The following SEC24D variants were observed in gnomAD, a reference collection of about 807,000 sequenced individuals.
SEC24D encodes protein transport protein Sec24D.
SEC24D carries 69 observed loss-of-function variants against 116.9 expected under a neutral mutation model. The observed-to-expected ratio is 0.59, with a 90% CI of 0.49 to 0.72. The LOEUF is 0.72. Among genes scored for constraint, SEC24D ranks in the 30% least tolerant of loss-of-function variants. SEC24D has a pLI of 0.00. For synonymous variants in SEC24D, 405 were observed against 442.8 expected, an observed-to-expected ratio of 0.91 and a Z score of 1.07; for missense variants, 1,131 against 1,264.1, an observed-to-expected ratio of 0.89 and a Z score of 1.60.
At chr4:118,806,934 C>CAAATGGGTGGAATCCCAGAAGCAAAATG (rs1729706216) in intron 6 of SEC24D, among the ~76,000 whole-genome samples, 1 of 152,098 alleles carries the variant, frequency 6.6e-6, no homozygotes, top group Non-Finnish European at 1.5e-5. Context: ...CTGCAATAAG[C>CAAATGGGTGGAATCCCAGAAGCAAAATG]TATGATCGTG....
At chr4:118,819,968 A>T (rs1299604840) in intron 3 of SEC24D, among the ~76,000 whole-genome samples, 2 of 152,208 alleles carry the variant, frequency 1.3e-5, no homozygotes, top group Admixed American at 6.5e-5. Context: ...ATACCCCAGG[A>T]GTTAGGTTTC....
chr4:118,771,389 A>T (rs1727894986), intron 8 of SEC24D, among the ~76,000 whole-genome samples: 2 of 152,122 alleles, frequency 1.3e-5, no homozygotes, highest in African/African-American at 4.8e-5. Context: ...TAAAAACCTC[A>T]CCTGGCTATT....
rs1730190069 is a variant in SEC24D, at chr4:118,817,263, C to T, written c.397+1G>A. ...ATAAACACTAATAATAAAACTATTA[C>T]CATAGCTGTTGATTTGCATAGCACT... is the stretch of plus-strand genomic sequence containing the variant. On this transcript the variant is annotated splice_donor_variant, in intron 4 of 22. Coordinates refer to ENST00000280551, the MANE Select transcript of SEC24D (RefSeq NM_014822.4). LOFTEE classifies it high-confidence loss of function. The T allele has an allele frequency of 6.3e-7, 1 of 1,599,316 alleles. No homozygotes were observed. The highest frequency in any genetic ancestry group is 8.5e-7 in the Non-Finnish European group (1 of 1,175,068).
chr4:118,800,129 T>G (rs1729368634), intron 7 of SEC24D, among the ~76,000 whole-genome samples: 1 of 152,008 alleles, frequency 6.6e-6, no homozygotes, highest in Admixed American at 6.6e-5. Context: ...GCGCTGAGAC[T>G]GGGGGTCCAC....
At chr4:118,736,545 A>G (rs953944571) in intron 19 of SEC24D, 1 of 325,388 alleles carries the variant, frequency 3.1e-6, no homozygotes, top group Non-Finnish European at 5.9e-6. Context: ...CTCCATCTTC[A>G]TAGATATTAT....
chr4:118,815,181 A>G, intron 5 of SEC24D, 26 bp from the exon 6 acceptor site: 8 of 1,613,104 alleles, frequency 5.0e-6, no homozygotes, highest in Non-Finnish European at 6.8e-6. Flanking sequence ...TTAAAGAGAA[A>G]TGACTATCAT....
intron 20 of SEC24D, among the ~76,000 whole-genome samples, chr4:118,732,531 C>T (rs1182105926): frequency 6.6e-6 from 1 of 152,208 alleles, no homozygotes; most frequent in Non-Finnish European, 1.5e-5. Context: ...CCTCCCCTCA[C>T]CATAGTGAAC....
chr4:118,815,464 A>T lies in SEC24D; in HGVS notation c.660T>A (p.Tyr220Ter), dbSNP rs1346928165. 6 of 1,614,104 alleles carry T rather than the reference A, an allele frequency of 3.7e-6. No homozygotes were observed. The highest frequency in any genetic ancestry group is 5.1e-6 in the Non-Finnish European group (6 of 1,180,008). The change falls in exon 5 of 23, where the codon TAT (tyrosine) becomes TAA (stop). Residue 220 changes from tyrosine to a stop codon, truncating the protein, a stop_gained. Coordinates refer to ENST00000280551, the MANE Select transcript of SEC24D (RefSeq NM_014822.4). LOFTEE classifies it high-confidence loss of function. ...PLPGQTLGAG[Y>*]PPQQANSGPQ... The stretch of plus-strand genomic sequence containing the variant: ...TGTCCGCCTTACCCTGCTGCGGAGG[A>T]TATCCAGCACCCAAGGTCTGGCCTG...
chr4:118,777,078 A>G (rs1469304453), intron 8 of SEC24D, among the ~76,000 whole-genome samples: 3 of 148,342 alleles, frequency 2.0e-5, no homozygotes, highest in Non-Finnish European at 4.5e-5. Context: ...ATTTCCCTCT[A>G]TGTGAAGGTC....
intron 11 of SEC24D, among the ~76,000 whole-genome samples, chr4:118,755,614 A>ATG (rs1288057468): frequency 6.6e-6 from 1 of 152,138 alleles, no homozygotes; most frequent in Non-Finnish European, 1.5e-5. Context: ...ATAGTAAAGA[A>ATG]TGAGGCCTTC....
At chr4:118,726,699 G>GA (rs1441684130) in intron 22 of SEC24D, among the ~76,000 whole-genome samples, 3 of 152,318 alleles carry the variant, frequency 2.0e-5, no homozygotes, top group African/African-American at 7.2e-5. Context: ...GGAGCACAGA[G>GA]AACTGTGCAG....
At position 118,833,753 on chromosome 4, in the gene SEC24D, A is replaced by G. The variant is rs1730975973; in HGVS notation, c.-41-16T>C. 8.4e-7 allele frequency: 1 copy of G among 1,196,284 alleles called. No individual in the cohort carries two copies. Among genetic ancestry groups the G allele is most frequent in the African/African-American group, 1.5e-5 (1 of 65,656 alleles). The allele number at this position is 1,196,284 out of a possible 1,614,324, so 74.1% of individuals were successfully genotyped here. Reference sequence around the variant, plus strand: ...CAAAAGAAGTCTGCAACAGAGAAACAAGAAACATGTTACCAAGACAGTTTT... The same window carrying G: ...CAAAAGAAGTCTGCAACAGAGAAACGAGAAACATGTTACCAAGACAGTTTT... On this transcript the variant is annotated splice_polypyrimidine_tract_variant and intron_variant, in intron 1 of 22. Transcript: ENST00000280551.
chr4:118,744,077 G>A lies in SEC24D; in HGVS notation c.1906C>T (p.Leu636Phe), dbSNP rs1268290799. The change falls in exon 15 of 23, where the codon CTC (leucine) becomes TTC (phenylalanine). Residue 636 changes from leucine (L) to phenylalanine (F), a missense_variant. Leu to Phe is a conservative substitution (Grantham distance 22, BLOSUM62 0). Transcript: ENST00000280551. The part of the protein sequence containing the change: ...VAHGCSVTLF[L>F]FPSQYVDVAS... The stretch of plus-strand genomic sequence containing the variant: ...ACGTCCACATACTGACTAGGAAAGA[G>A]GAAGAGTGTCACAGAGCAGCCGTGA... The A allele has an allele frequency of 6.2e-7, 1 of 1,613,510 alleles. No homozygotes were observed. The highest frequency in any genetic ancestry group is 8.5e-7 in the Non-Finnish European group (1 of 1,179,704).
chr4:118,754,666 A>T (rs1726998729), intron 11 of SEC24D, among the ~76,000 whole-genome samples: 1 of 152,112 alleles, frequency 6.6e-6, no homozygotes, highest in African/African-American at 2.4e-5. Flanking sequence ...CCAACTGATA[A>T]CCCAATAGTA....
chr4:118,725,622 TTTTTTG>T (rs1460949898), intron 22 of SEC24D, among the ~76,000 whole-genome samples: 1 of 152,200 alleles, frequency 6.6e-6, no homozygotes, highest in Non-Finnish European at 1.5e-5. Flanking sequence ...TTGGGTTTTT[TTTTTTG>T]TTTTTGTGTG....
intron 22 of SEC24D, among the ~76,000 whole-genome samples, chr4:118,727,859 A>C (rs934043266): frequency 2.0e-5 from 3 of 152,116 alleles, no homozygotes; most frequent in Non-Finnish European, 4.4e-5. Context: ...ACAGTTACGA[A>C]TGTTGGTTCA....
At position 118,767,019 on chromosome 4, in the gene SEC24D, T is replaced by C. The variant is rs181666144; in HGVS notation, c.1180+1154A>G. Among the ~76,000 whole-genome samples, 501 of 152,160 alleles carry C rather than the reference T, an allele frequency of 3.3e-3. 3 individuals carry two copies. Among genetic ancestry groups the C allele is most frequent in the African/African-American group, 0.011 (471 of 41,546 alleles). On this transcript the variant is annotated intron_variant, in intron 9 of 22. Transcript: ENST00000280551. ...TCCAATTTGCCCTGAGTGGAAACCA[T>C]AGTTAATGTAAGGAGAGAGACGTAC... is the stretch of plus-strand genomic sequence containing the variant.
In SEC24D at chr4:118,739,142, G is replaced by A. The variant is rs772937617; in HGVS notation, c.2377+7C>T. On this transcript the variant is annotated splice_region_variant and intron_variant, in intron 18 of 22. Transcript: ENST00000280551. Reference sequence around the variant, plus strand: ...TTTACTGAACCTCAGGATTGGCAAAGTGTTACCTGACTTGGCAAAGAAGTT... The same window carrying A: ...TTTACTGAACCTCAGGATTGGCAAAATGTTACCTGACTTGGCAAAGAAGTT... 3.1e-6 allele frequency: 5 copies of A among 1,613,042 alleles called. No homozygotes were observed. In the Admixed American group the frequency reaches 5.0e-5, roughly 16 times the overall value.
At chr4:118,724,428 T>C (rs2110421958) in intron 22 of SEC24D, among the ~76,000 whole-genome samples, 1 of 152,286 alleles carries the variant, frequency 6.6e-6, no homozygotes, top group Middle Eastern at 3.4e-3. Flanking sequence ...GATTTCTATA[T>C]TTTCTATATA....
Sources: gnomAD v4.1 joint callset for allele counts (sites outside exome capture counted in the v4.1 genomes callset) on GRCh38, gnomAD v4.1.1 for gene constraint, MANE v1.5 for transcripts, NCBI Gene and HGNC (gene_info 2026-07-23, HGNC 2026-07-21) for gene names.